The following SCAPER variants were observed in gnomAD, a reference collection of about 807,000 sequenced individuals.
SCAPER encodes the protein S phase cyclin A-associated protein in the endoplasmic reticulum.
Under a neutral mutation model 182.2 loss-of-function variants are expected in SCAPER, and 98 were observed. The ratio of observed to expected loss-of-function variants is 0.54; its 90% CI spans 0.46 to 0.64. SCAPER has a LOEUF of 0.64. Ranked by LOEUF, SCAPER falls within the 30% of genes least tolerant of loss-of-function variation. The pLI is 0.00. For missense variants in SCAPER, 1,432 were observed against 1,690.0 expected (o/e 0.85, Z 2.68); for synonymous variants, 605 against 564.6 (o/e 1.07, Z -1.01).
intron 27 of SCAPER, among the ~76,000 whole-genome samples, chr15:76,386,611 A>G (rs1421618162): frequency 1.3e-5 from 2 of 152,220 alleles, no homozygotes; most frequent in Non-Finnish European, 2.9e-5. Flanking sequence ...AGCCATTTCT[A>G]AGGCATTATT....
In SCAPER at chr15:76,595,524, C is replaced by A. The variant is rs1400516247; in HGVS notation, c.2712-21240G>T. Among the ~76,000 whole-genome samples the A allele has an allele frequency of 1.8e-4, 22 of 121,634 alleles. 7 individuals carry two copies. The highest frequency in any genetic ancestry group is 1.9e-4 in the Admixed American group (2 of 10,672). 79.8% of individuals were successfully genotyped at this position (121,634 alleles called of 152,430 possible). On this transcript the variant is annotated intron_variant, in intron 22 of 31. Transcript: ENST00000563290. ...AATAGAATATACATTCTTCTCAGTA[C>A]CACATCGCATTTATTCTAAAATTGA...
intron 23 of SCAPER, among the ~76,000 whole-genome samples, chr15:76,561,364 C>T (rs1192057726): frequency 3.9e-5 from 6 of 151,962 alleles, no homozygotes. Context: ...AATTGACATG[C>T]CTGGTTGAAA....
intron 5 of SCAPER, among the ~76,000 whole-genome samples, chr15:76,814,353 T>C (rs2066901454): frequency 6.6e-6 from 1 of 152,162 alleles, no homozygotes; most frequent in Admixed American, 6.5e-5. Context: ...TTCCTGACTG[T>C]AGATTACACT....
intron 5 of SCAPER, among the ~76,000 whole-genome samples, chr15:76,812,300 C>T (rs931329791): frequency 6.6e-6 from 1 of 151,038 alleles, no homozygotes; most frequent in South Asian, 2.1e-4. Context: ...GGTGACAAAG[C>T]GAGACTCCGT....
intron 2 of SCAPER, among the ~76,000 whole-genome samples, chr15:76,869,571 A>G (rs973510168): frequency 1.8e-4 from 27 of 152,176 alleles, no homozygotes; most frequent in African/African-American, 5.8e-4. Context: ...CATCTCACGC[A>G]GTTAAAATGG....
At chr15:76,637,239 G>C (rs979830908) in intron 21 of SCAPER, among the ~76,000 whole-genome samples, 1 of 151,936 alleles carries the variant, frequency 6.6e-6, no homozygotes, top group African/African-American at 2.4e-5. Flanking sequence ...GTTTGAATAT[G>C]TCTTCAATTC....
intron 25 of SCAPER, among the ~76,000 whole-genome samples, chr15:76,469,015 T>C (rs1273194724): frequency 6.6e-6 from 1 of 152,138 alleles, no homozygotes; most frequent in Non-Finnish European, 1.5e-5. Flanking sequence ...GAGAAATAAA[T>C]TACTGTGTTT....
intron 4 of SCAPER, among the ~76,000 whole-genome samples, chr15:76,844,473 A>C (rs1263105179): frequency 6.6e-6 from 1 of 152,120 alleles, no homozygotes; most frequent in African/African-American, 2.4e-5. Flanking sequence ...TCAGATTAAG[A>C]AGCTCTCCAA....
At chr15:76,491,127 G>C (rs1212443342) in intron 24 of SCAPER, among the ~76,000 whole-genome samples, 1 of 152,160 alleles carries the variant, frequency 6.6e-6, no homozygotes, top group African/African-American at 2.4e-5. Flanking sequence ...TCAGTTGACT[G>C]TATATACACA....
chr15:76,781,840 A>G (rs1261424491), intron 8 of SCAPER, among the ~76,000 whole-genome samples: 1 of 152,222 alleles, frequency 6.6e-6, no homozygotes, highest in Non-Finnish European at 1.5e-5. Context: ...GCAAATGCTG[A>G]GAGATTTTCT....
intron 4 of SCAPER, among the ~76,000 whole-genome samples, chr15:76,850,702 A>T (rs2070648895): frequency 6.6e-6 from 1 of 152,012 alleles, no homozygotes; most frequent in Non-Finnish European, 1.5e-5. Flanking sequence ...CTCTACAAAA[A>T]TACAAAAATC....
chr15:76,441,136 T>C (rs1423799809), intron 25 of SCAPER, among the ~76,000 whole-genome samples: 1 of 151,960 alleles, frequency 6.6e-6, no homozygotes, highest in Non-Finnish European at 1.5e-5. Flanking sequence ...TTAGCCAGGA[T>C]GGTCTCGATC....
At chr15:76,671,663 T>C (rs1019433435) in intron 20 of SCAPER, among the ~76,000 whole-genome samples, 2 of 151,418 alleles carry the variant, frequency 1.3e-5, no homozygotes, top group Non-Finnish European at 2.9e-5. Flanking sequence ...CCAGCTACTC[T>C]GGAGGCTGAG....
chr15:76,770,733 GAT>G (rs1173498229), intron 10 of SCAPER, among the ~76,000 whole-genome samples: 1 of 151,920 alleles, frequency 6.6e-6, no homozygotes, highest in African/African-American at 2.4e-5. Flanking sequence ...TATACAATTT[GAT>G]ATACAACTGC....
chr15:76,649,359 A>C (rs1359675510), intron 21 of SCAPER, among the ~76,000 whole-genome samples: 3 of 152,004 alleles, frequency 2.0e-5, no homozygotes, highest in Non-Finnish European at 2.9e-5. Context: ...GAGCCTGAGA[A>C]GTTGAGGCTA....
At chr15:76,695,469 C>T (rs953111150) in intron 20 of SCAPER, among the ~76,000 whole-genome samples, 8 of 151,664 alleles carry the variant, frequency 5.3e-5, no homozygotes, top group African/African-American at 1.9e-4. Flanking sequence ...AGGTGGTAGG[C>T]GCCTGTAGTC....
chr15:76,527,106 C>T (rs982983628), intron 23 of SCAPER, among the ~76,000 whole-genome samples: 3 of 152,136 alleles, frequency 2.0e-5, no homozygotes, highest in Non-Finnish European at 4.4e-5. Flanking sequence ...GAACTCCTGA[C>T]CGCAGATGAT....
chr15:76,831,740 T>C (rs889205139), intron 5 of SCAPER, among the ~76,000 whole-genome samples: 4 of 152,128 alleles, frequency 2.6e-5, no homozygotes, highest in African/African-American at 9.7e-5. Context: ...CCTGTCAGAA[T>C]GTGGTTGTCA....
At chr15:76,838,717 A>G (rs2069168216) in intron 5 of SCAPER, among the ~76,000 whole-genome samples, 1 of 152,338 alleles carries the variant, frequency 6.6e-6, no homozygotes, top group South Asian at 2.1e-4. Flanking sequence ...AATGGGAAAC[A>G]AGGAAAGGAA....
Sources: gnomAD v4.1 joint callset for allele counts (sites outside exome capture counted in the v4.1 genomes callset) on GRCh38, gnomAD v4.1.1 for gene constraint, MANE v1.5 for transcripts, NCBI Gene and HGNC (gene_info 2026-07-23, HGNC 2026-07-21) for gene names.